Variants in DCC observed in about 807,000 individuals in gnomAD.
DCC encodes the protein DCC netrin 1 receptor, also known as netrin receptor DCC.
In DCC, 58 loss-of-function variants were observed where a neutral mutation model predicts 172.5. That is an observed-to-expected ratio of 0.34 (90% CI 0.27 to 0.42). The LOEUF (loss-of-function observed/expected upper bound fraction) is 0.42, where lower values mean the gene tolerates loss of function less well. Ranked by LOEUF, DCC falls within the 10% of genes least tolerant of loss-of-function variation. The pLI is 1.00. For synonymous variants in DCC, 709 were observed against 644.5 expected (o/e 1.10, Z -1.52); for missense variants, 1,740 against 1,791.0 (o/e 0.97, Z 0.51).
intron 1 of DCC, among the ~76,000 whole-genome samples, chr18:52,412,101 C>T (rs1438129672): frequency 2.0e-5 from 3 of 152,046 alleles, no homozygotes; most frequent in Non-Finnish European, 4.4e-5. Flanking sequence ...ACTTATACTG[C>T]AATGTATAAT....
chr18:52,730,392 T>G (rs971559396), intron 1 of DCC, among the ~76,000 whole-genome samples: 1 of 152,220 alleles, frequency 6.6e-6, no homozygotes, highest in Non-Finnish European at 1.5e-5. Flanking sequence ...GCATGAACTT[T>G]GAGGAATGCA....
intron 14 of DCC, among the ~76,000 whole-genome samples, chr18:53,335,942 G>A (rs998094436): frequency 3.3e-5 from 5 of 152,064 alleles, no homozygotes; most frequent in African/African-American, 9.7e-5. Context: ...TCATTATCAC[G>A]ATAATAGCAC....
chr18:52,437,297 G>A (rs1987827242), intron 1 of DCC, among the ~76,000 whole-genome samples: 1 of 152,172 alleles, frequency 6.6e-6, no homozygotes, highest in African/African-American at 2.4e-5. Context: ...GAGGGTTCAG[G>A]GTAGTTTATA....
At chr18:52,621,319 G>A (rs116108862) in intron 1 of DCC, among the ~76,000 whole-genome samples, 1 of 152,282 alleles carries the variant, frequency 6.6e-6, no homozygotes, top group African/African-American at 2.4e-5. Flanking sequence ...TGAAATAACT[G>A]CACTGGTGAT....
chr18:52,806,659 G>A (rs1343434715), intron 2 of DCC, among the ~76,000 whole-genome samples: 8 of 152,178 alleles, frequency 5.3e-5, no homozygotes, highest in Admixed American at 4.6e-4. Context: ...CTGGGAATGG[G>A]TAGAGAACTT....
intron 2 of DCC, among the ~76,000 whole-genome samples, chr18:52,766,857 G>A (rs8083645): frequency 1.3e-5 from 2 of 151,704 alleles, no homozygotes; most frequent in African/African-American, 2.4e-5. Context: ...GTCAGGGACC[G>A]ACCCTTTTCT....
intron 5 of DCC, among the ~76,000 whole-genome samples, chr18:53,061,281 TCCCTTTCTCTTCTCC>T (rs1422662617): frequency 2.0e-5 from 3 of 152,088 alleles, no homozygotes; most frequent in Non-Finnish European, 2.9e-5. Flanking sequence ...TTCTCTTCTC[TCCCTTTCTCTTCTCC>T]CTCTATATTC....
intron 5 of DCC, among the ~76,000 whole-genome samples, chr18:53,039,819 A>G (rs543472437): frequency 1.1e-4 from 16 of 152,060 alleles, no homozygotes; most frequent in African/African-American, 3.6e-4. Context: ...GTTTTAATGT[A>G]GTTGTTCCTC....
chr18:52,934,569 T>C (rs2040354845), intron 5 of DCC, among the ~76,000 whole-genome samples: 2 of 152,156 alleles, frequency 1.3e-5, no homozygotes, highest in South Asian at 2.1e-4. Flanking sequence ...TCGAAATGTT[T>C]TGTAAGCTTT....
At chr18:52,713,305 G>A (rs532097333) in intron 1 of DCC, among the ~76,000 whole-genome samples, 1 of 152,300 alleles carries the variant, frequency 6.6e-6, no homozygotes, top group South Asian at 2.1e-4. Flanking sequence ...AAGACTGCAG[G>A]GCTAATATCA....
At chr18:52,741,467 A>G (rs2036821250) in intron 1 of DCC, among the ~76,000 whole-genome samples, 1 of 152,078 alleles carries the variant, frequency 6.6e-6, no homozygotes, top group Non-Finnish European at 1.5e-5. Flanking sequence ...GCATTGTAGG[A>G]TGTGCTACGT....
At position 52,589,935 on chromosome 18, in the gene DCC, T is replaced by C. The variant is rs375916063; in HGVS notation, c.92-162119T>C. The stretch of plus-strand genomic sequence containing the variant: ...GAGAGATTCACTGCTGAATTTTTTG[T>C]TGATGATCTATTGATTTGATTTCAA... On this transcript the variant is annotated intron_variant, in intron 1 of 28. Coordinates refer to ENST00000442544, the MANE Select transcript of DCC (RefSeq NM_005215.4). Among the ~76,000 whole-genome samples, 286 of 152,324 alleles carry C rather than the reference T, an allele frequency of 1.9e-3. 1 individual carries two copies. Among genetic ancestry groups the C allele is most frequent in the African/African-American group, 6.7e-3 (278 of 41,580 alleles).
intron 15 of DCC, among the ~76,000 whole-genome samples, chr18:53,366,851 TG>T (rs2058011042): frequency 6.6e-6 from 1 of 152,190 alleles, no homozygotes; most frequent in South Asian, 2.1e-4. Flanking sequence ...CAGTAGAACG[TG>T]TGAGCACTCA....
At chr18:52,682,274 C>A (rs571260640) in intron 1 of DCC, among the ~76,000 whole-genome samples, 2 of 152,056 alleles carry the variant, frequency 1.3e-5, no homozygotes, top group African/African-American at 4.8e-5. Flanking sequence ...CATCCCAGTG[C>A]CTTTACTCTA....
At chr18:53,316,958 C>A (rs1435881022) in intron 13 of DCC, among the ~76,000 whole-genome samples, 1 of 152,200 alleles carries the variant, frequency 6.6e-6, no homozygotes, top group Non-Finnish European at 1.5e-5. Flanking sequence ...TGCCTGATTG[C>A]CCTGGCCAGA....
intron 1 of DCC, among the ~76,000 whole-genome samples, chr18:52,613,600 A>T (rs1468996919): frequency 6.6e-6 from 1 of 152,110 alleles, no homozygotes; most frequent in Non-Finnish European, 1.5e-5. Flanking sequence ...ATTTAAAAAC[A>T]TGTGATGTAA....
At chr18:52,350,108 T>A (rs1333531397) in intron 1 of DCC, among the ~76,000 whole-genome samples, 1 of 152,178 alleles carries the variant, frequency 6.6e-6, no homozygotes, top group African/African-American at 2.4e-5. Flanking sequence ...AAGTATTTCA[T>A]TGAAGATAGT....
At chr18:52,631,987 C>T (rs1355575017) in intron 1 of DCC, among the ~76,000 whole-genome samples, 1 of 152,170 alleles carries the variant, frequency 6.6e-6, no homozygotes, top group East Asian at 1.9e-4. Flanking sequence ...AATCCAAAGC[C>T]TTCGCATGTA....
intron 1 of DCC, among the ~76,000 whole-genome samples, chr18:52,694,653 C>A (rs7229149): frequency 0.41 from 62,619 of 151,614 alleles, 13,215 homozygotes; most frequent in Non-Finnish European, 0.47. Context: ...GATAAAGGGA[C>A]CATGGACACC....
Sources: gnomAD v4.1 joint callset for allele counts (sites outside exome capture counted in the v4.1 genomes callset) on GRCh38, gnomAD v4.1.1 for gene constraint, MANE v1.5 for transcripts, NCBI Gene and HGNC (gene_info 2026-07-23, HGNC 2026-07-21) for gene names.